BRINP3: variants seen among roughly 807,000 people sequenced by gnomAD.
The protein encoded by BRINP3 is BMP/retinoic acid-inducible neural-specific protein 3.
BRINP3 carries 19 observed loss-of-function variants against 71.0 expected under a neutral mutation model. The ratio of observed to expected loss-of-function variants is 0.27; its 90% CI spans 0.19 to 0.39. The LOEUF is 0.39. BRINP3 is among the 10% of genes least tolerant of loss of function. BRINP3 has a pLI of 1.00. For missense variants in BRINP3, 959 were observed against 940.8 expected, an observed-to-expected ratio of 1.02 and a Z score of -0.25; for synonymous variants, 380 against 337.7, an observed-to-expected ratio of 1.13 and a Z score of -1.37.
intron 2 of BRINP3, among the ~76,000 whole-genome samples, chr1:190,452,646 G>A (rs566434890): frequency 8.5e-5 from 13 of 152,254 alleles, no homozygotes; most frequent in Middle Eastern, 6.8e-3. Context: ...ATCACTTGAA[G>A]TCAGAAGTTC....
intron 2 of BRINP3, among the ~76,000 whole-genome samples, chr1:190,441,376 C>G (rs1210628830): frequency 6.6e-6 from 1 of 152,028 alleles, no homozygotes; most frequent in Non-Finnish European, 1.5e-5. Flanking sequence ...AAAACTATAT[C>G]TCACATCTGT....
In BRINP3 at chr1:190,296,066, G is replaced by GT. The variant is rs200148039; in HGVS notation, c.237-14317dup. On this transcript the variant is annotated intron_variant, in intron 2 of 7. Transcript: ENST00000367462. ...GTTTGTTTGTTTGTTTGCTTTTGTGGTTTTTTTTTTGGGGGGGGGCTGGGC... is the reference window on the plus strand; with the variant it reads ...GTTTGTTTGTTTGTTTGCTTTTGTGGTTTTTTTTTTTGGGGGGGGGCTGGGC... Among the ~76,000 whole-genome samples, 47 of 124,342 alleles carry GT rather than the reference G, an allele frequency of 3.8e-4. No individual in the cohort carries two copies. The East Asian group carries it at 5.2e-3, about 14-fold the overall frequency. The allele number at this position is 124,342 out of a possible 152,430, so 81.6% of individuals were successfully genotyped here.
intron 2 of BRINP3, among the ~76,000 whole-genome samples, chr1:190,353,416 T>C (rs1398195103): frequency 2.0e-5 from 3 of 152,064 alleles, no homozygotes; most frequent in Non-Finnish European, 2.9e-5. Flanking sequence ...TAGAAGTATG[T>C]CAGCAGCATC....
chr1:190,098,959 G>A lies in BRINP3; in HGVS notation c.1360C>T (p.Pro454Ser), dbSNP rs530608392. 20 of 1,614,148 alleles carry A rather than the reference G, an allele frequency of 1.2e-5. No individual in the cohort carries two copies. The East Asian group carries it at 3.3e-4, about 27-fold the overall frequency. Residue 454 changes from proline (P) to serine (S), a missense_variant, in exon 8 of 8, where the codon CCA becomes TCA. By Grantham distance (74) the Pro-to-Ser change is moderately conservative. Transcript: ENST00000367462. Reference sequence around the variant, plus strand: ...GTGCCGCAGCGGGTGCGGTTGTCTGGTGCGCATGTCAGGCAGGCAGAGGCG... The same window carrying A: ...GTGCCGCAGCGGGTGCGGTTGTCTGATGCGCATGTCAGGCAGGCAGAGGCG... ...GDASACLTCA[P>S]DNRTRCGTCN...
chr1:190,231,478 T>C (rs1657981891), intron 5 of BRINP3, among the ~76,000 whole-genome samples: 1 of 151,772 alleles, frequency 6.6e-6, no homozygotes, highest in Admixed American at 6.6e-5. Flanking sequence ...AAATTATTCA[T>C]TTTCTCAAGG....
At chr1:190,321,885 T>G (rs1000055238) in intron 2 of BRINP3, among the ~76,000 whole-genome samples, 10 of 152,228 alleles carry the variant, frequency 6.6e-5, no homozygotes, top group African/African-American at 2.4e-4. Context: ...GTCTTTGTTT[T>G]AAAAATGATG....
At chr1:190,208,110 G>A (rs541922760) in intron 6 of BRINP3, among the ~76,000 whole-genome samples, 2 of 151,690 alleles carry the variant, frequency 1.3e-5, no homozygotes, top group South Asian at 4.2e-4. Context: ...ACTACACCTG[G>A]TTAATTTTTT....
At chr1:190,112,260 TA>T (rs1652759232) in intron 7 of BRINP3, among the ~76,000 whole-genome samples, 1 of 152,204 alleles carries the variant, frequency 6.6e-6, no homozygotes, top group African/African-American at 2.4e-5. Context: ...AAAAGGCTTT[TA>T]AAAATTAAGT....
intron 6 of BRINP3, among the ~76,000 whole-genome samples, chr1:190,191,529 G>A (rs1412561792): frequency 6.6e-6 from 1 of 152,018 alleles, no homozygotes; most frequent in African/African-American, 2.4e-5. Context: ...TCTTATGTTA[G>A]TTTGCTGAGG....
intron 1 of BRINP3, 68 bp from the exon 2 acceptor site, chr1:190,455,008 G>A (rs560022787): frequency 4.7e-5 from 33 of 695,432 alleles, no homozygotes; most frequent in African/African-American, 3.8e-4. Flanking sequence ...AGGTGTTGAG[G>A]TGGCTAATTT....
chr1:190,323,850 T>C lies in BRINP3; in HGVS notation c.237-42100A>G, dbSNP rs570088173. ...TTGAAAGCATAGGAGTGATGAGTGA[T>C]AAAGTCTTAGTCTTTTATTTTTTAA... On this transcript the variant is annotated intron_variant, in intron 2 of 7. Coordinates refer to ENST00000367462, the MANE Select transcript of BRINP3 (RefSeq NM_199051.3). 3.9e-5 allele frequency among the ~76,000 whole-genome samples: 6 copies of C among 152,110 alleles called. No homozygotes were observed. In the South Asian group the frequency reaches 1.2e-3, roughly 31 times the overall value.
chr1:190,121,133 A>G (rs1239030129), intron 7 of BRINP3, among the ~76,000 whole-genome samples: 1 of 152,148 alleles, frequency 6.6e-6, no homozygotes, highest in Non-Finnish European at 1.5e-5. Context: ...AAAACAGAAA[A>G]GTTTTAAAAG....
chr1:190,256,001 A>G (rs1660628843), intron 4 of BRINP3, among the ~76,000 whole-genome samples: 2 of 152,090 alleles, frequency 1.3e-5, no homozygotes, highest in Admixed American at 1.3e-4. Context: ...TAACATCTTT[A>G]TTTCTGCCTT....
intron 7 of BRINP3, among the ~76,000 whole-genome samples, chr1:190,105,536 C>T (rs892334532): frequency 4.6e-5 from 7 of 151,964 alleles, no homozygotes; most frequent in Non-Finnish European, 7.4e-5. Context: ...GCTTGTTATC[C>T]TAACATAAAT....
chr1:190,118,509 C>T (rs536468400), intron 7 of BRINP3, among the ~76,000 whole-genome samples: 63 of 152,236 alleles, frequency 4.1e-4, no homozygotes, highest in African/African-American at 1.4e-3. Flanking sequence ...ACTCACGTCT[C>T]GCCTTTATTA....
At chr1:190,203,056 T>C (rs1382261314) in intron 6 of BRINP3, among the ~76,000 whole-genome samples, 1 of 152,098 alleles carries the variant, frequency 6.6e-6, no homozygotes, top group Non-Finnish European at 1.5e-5. Context: ...GCTTAATCCA[T>C]GGAAAATGTA....
rs148802488 is a variant in BRINP3 at position 190,469,504 on chromosome 1, C to A, written c.-51+7944G>T. ...GTGCAACTTTGCTGCATAATTTATT[C>A]AATTTTTCATAATTTTTCTTCTACC... On this transcript the variant is annotated intron_variant, in intron 1 of 7. Coordinates refer to ENST00000367462, the MANE Select transcript of BRINP3 (RefSeq NM_199051.3). Among the ~76,000 whole-genome samples the A allele has an allele frequency of 1.1e-4, 17 of 150,972 alleles. No individual in the cohort carries two copies. The East Asian group carries it at 3.1e-3, about 27-fold the overall frequency.
chr1:190,295,929 A>C (rs1368716188), intron 2 of BRINP3, among the ~76,000 whole-genome samples: 1 of 152,052 alleles, frequency 6.6e-6, no homozygotes, highest in Non-Finnish European at 1.5e-5. Flanking sequence ...TGTTCTTTTG[A>C]ATGTGATTTT....
At chr1:190,178,897 G>A (rs1383548732) in intron 6 of BRINP3, among the ~76,000 whole-genome samples, 1 of 152,118 alleles carries the variant, frequency 6.6e-6, no homozygotes, top group Non-Finnish European at 1.5e-5. Flanking sequence ...ATTTTATACA[G>A]AATTATTTGA....
Sources: allele counts gnomAD v4.1 joint callset (sites outside exome capture counted in the v4.1 genomes callset), GRCh38; gene constraint gnomAD v4.1.1; transcripts MANE v1.5; gene names NCBI Gene and HGNC (gene_info 2026-07-23, HGNC 2026-07-21).